SETSIP: variants seen among roughly 807,000 people sequenced by gnomAD.
SETSIP encodes SET like protein, also known as protein SETSIP.
A neutral mutation model predicts 21.9 loss-of-function variants in SETSIP; 15 were observed. The observed-to-expected ratio is 0.69, with a 90% CI of 0.46 to 1.06. SETSIP has a LOEUF of 1.06. Among genes scored for constraint, SETSIP ranks in the 50% least tolerant of loss-of-function variants. SETSIP has a pLI of 0.00. For missense variants in SETSIP, 310 were observed against 337.4 expected, an observed-to-expected ratio of 0.92 and a Z score of 0.64; for synonymous variants, 101 against 121.2, an observed-to-expected ratio of 0.83 and a Z score of 1.09.
chr1:92,074,928 C>T lies in SETSIP; in HGVS notation c.484G>A (p.Gly162Ser), dbSNP rs1570705061. The change falls in exon 1 of 1, where the codon GGT (glycine) becomes AGT (serine). Residue 162 changes from glycine (G) to serine (S), a missense_variant. Transcript: ENST00000596516. ...TTGGTGGACTTTGAAGATGGATCACCACTCTCATTCAGATGAAATTCTTTG... is the reference window on the plus strand; with the variant it reads ...TTGGTGGACTTTGAAGATGGATCACTACTCTCATTCAGATGAAATTCTTTG... 9.9e-6 allele frequency: 16 copies of T among 1,611,732 alleles called. No homozygotes were observed. The South Asian group carries it at 1.4e-4, about 14-fold the overall frequency.
Sources: allele counts gnomAD v4.1 joint callset, GRCh38; gene constraint gnomAD v4.1.1; transcripts MANE v1.5; gene names NCBI Gene and HGNC (gene_info 2026-07-23, HGNC 2026-07-21).